LURAP1L: variants seen among roughly 807,000 people sequenced by gnomAD.
LURAP1L encodes the protein leucine rich adaptor protein 1-like.
In LURAP1L, 12 loss-of-function variants were observed where a neutral mutation model predicts 13.8. The observed-to-expected ratio is 0.87, with a 90% CI of 0.56 to 1.41. The LOEUF (loss-of-function observed/expected upper bound fraction) is 1.41. Ranked by LOEUF, LURAP1L falls within the 40% of genes most tolerant of loss-of-function variation. The pLI, the probability that LURAP1L is intolerant of heterozygous loss-of-function variation, is 0.00. For synonymous variants in LURAP1L, 139 were observed against 119.2 expected (o/e 1.17, Z -1.08); for missense variants, 375 against 292.9 (o/e 1.28, Z -2.04).
intron 1 of LURAP1L, among the ~76,000 whole-genome samples, chr9:12,818,456 T>G (rs6474734): frequency 0.35 from 52,393 of 151,822 alleles, 9,935 homozygotes; most frequent in African/African-American, 0.5. Flanking sequence ...CAATGCTTAG[T>G]ACAGACCTTA....
intron 1 of LURAP1L, among the ~76,000 whole-genome samples, chr9:12,786,547 C>CTATATATATATATGT (rs1554657226): frequency 1.9e-5 from 1 of 53,006 alleles, no homozygotes; most frequent in African/African-American, 8.2e-5. Context: ...ATATATATGA[C>CTATATATATATATGT]ATATATATAT....
intron 1 of LURAP1L, among the ~76,000 whole-genome samples, chr9:12,813,865 A>G (rs78618386): frequency 0.019 from 2,942 of 152,280 alleles, 111 homozygotes; most frequent in African/African-American, 0.068. Context: ...TGAGGAATGA[A>G]TTATCAATTG....
At chr9:12,814,696 C>A (rs1819781371) in intron 1 of LURAP1L, among the ~76,000 whole-genome samples, 1 of 152,188 alleles carries the variant, frequency 6.6e-6, no homozygotes, top group Admixed American at 6.5e-5. Context: ...TTCAAATACA[C>A]CAGATACAGC....
chr9:12,785,732 G>A (rs1485245639), intron 1 of LURAP1L, among the ~76,000 whole-genome samples: 1 of 152,184 alleles, frequency 6.6e-6, no homozygotes, highest in African/African-American at 2.4e-5. Context: ...GTGCTGCACT[G>A]CTAGGAGATG....
At chr9:12,779,075 TTTCTCTCTCA>T (rs1011493258) in intron 1 of LURAP1L, among the ~76,000 whole-genome samples, 11 of 152,098 alleles carry the variant, frequency 7.2e-5, no homozygotes, top group Non-Finnish European at 1.2e-4. Context: ...TCTCTCTCTC[TTTCTCTCTCA>T]TTCTCTCTCT....
intron 1 of LURAP1L, among the ~76,000 whole-genome samples, chr9:12,797,334 A>G (rs1392192899): frequency 6.6e-6 from 1 of 152,140 alleles, no homozygotes; most frequent in Non-Finnish European, 1.5e-5. Flanking sequence ...ATGGTTGAAG[A>G]GTGACAATAG....
At chr9:12,783,451 C>G (rs535011219) in intron 1 of LURAP1L, among the ~76,000 whole-genome samples, 1 of 152,224 alleles carries the variant, frequency 6.6e-6, no homozygotes, top group African/African-American at 2.4e-5. Flanking sequence ...CCAGTATCAA[C>G]TGAAATTATC....
intron 1 of LURAP1L, among the ~76,000 whole-genome samples, chr9:12,788,158 A>AGAAAGAAAGAAAGAAAG (rs1458000720): frequency 7.0e-6 from 1 of 143,870 alleles, no homozygotes; most frequent in Non-Finnish European, 1.5e-5. Flanking sequence ...GAAGAAAGAA[A>AGAAAGAAAGAAAGAAAG]GAAAGAAAGA....
chr9:12,796,098 T>C (rs969712998), intron 1 of LURAP1L, among the ~76,000 whole-genome samples: 20 of 152,002 alleles, frequency 1.3e-4, no homozygotes, highest in African/African-American at 4.8e-4. Context: ...TATTACTGTA[T>C]TGATGTTTCC....
intron 1 of LURAP1L, among the ~76,000 whole-genome samples, chr9:12,805,873 T>G (rs1819650184): frequency 6.6e-6 from 1 of 152,104 alleles, no homozygotes; most frequent in African/African-American, 2.4e-5. Context: ...GTTGTGAAAA[T>G]GGACATAATC....
At chr9:12,778,830 G>A (rs1819227680) in intron 1 of LURAP1L, among the ~76,000 whole-genome samples, 1 of 152,224 alleles carries the variant, frequency 6.6e-6, no homozygotes, top group South Asian at 2.1e-4. Context: ...ATGTCAGGTA[G>A]TCCAGGAAAT....
intron 1 of LURAP1L, among the ~76,000 whole-genome samples, chr9:12,788,007 G>T (rs530428059): frequency 6.6e-6 from 1 of 151,906 alleles, no homozygotes; most frequent in Non-Finnish European, 1.5e-5. Context: ...AGCTACTCAG[G>T]AGGCTGAAGC....
At position 12,821,859 on chromosome 9, in the gene LURAP1L, C is replaced by T. The variant is rs2118560356; in HGVS notation, c.*99C>T. 4 of 1,416,412 alleles carry T rather than the reference C, an allele frequency of 2.8e-6. No homozygotes were observed. The highest frequency in any genetic ancestry group is 1.4e-5 in the South Asian group (1 of 71,288). The allele number at this position is 1,416,412 out of a possible 1,614,324, so 87.7% of individuals were successfully genotyped here. A position where few individuals can be genotyped will look rare whatever the true frequency, so the allele number is the denominator to read the frequency against. ...TGTGATTTTTATTTTAATAAGATGA[C>T]CTTTTTAAAAGAAGCTGATTTTGAA... On this transcript the variant is annotated 3_prime_UTR_variant, in exon 2 of 2. Coordinates refer to ENST00000319264, the MANE Select transcript of LURAP1L (RefSeq NM_203403.2).
At chr9:12,802,299 C>T (rs1819597996) in intron 1 of LURAP1L, among the ~76,000 whole-genome samples, 1 of 152,046 alleles carries the variant, frequency 6.6e-6, no homozygotes, top group African/African-American at 2.4e-5. Flanking sequence ...GTATTCATCC[C>T]CAGTGGTGGA....
chr9:12,792,176 G>A (rs1028263089), intron 1 of LURAP1L, among the ~76,000 whole-genome samples: 1 of 152,026 alleles, frequency 6.6e-6, no homozygotes, highest in Non-Finnish European at 1.5e-5. Flanking sequence ...GGGAGGTTTG[G>A]GACTATACAT....
At chr9:12,780,994 G>T (rs971919295) in intron 1 of LURAP1L, among the ~76,000 whole-genome samples, 2 of 151,950 alleles carry the variant, frequency 1.3e-5, no homozygotes, top group African/African-American at 4.8e-5. Context: ...TATTTGAGAT[G>T]GAGTTTCGCT....
At chr9:12,809,363 C>G (rs989000800) in intron 1 of LURAP1L, among the ~76,000 whole-genome samples, 1 of 152,090 alleles carries the variant, frequency 6.6e-6, no homozygotes, top group African/African-American at 2.4e-5. Flanking sequence ...TTTCTGTGGA[C>G]TCATCTTTAA....
At chr9:12,794,893 G>A (rs930501103) in intron 1 of LURAP1L, among the ~76,000 whole-genome samples, 5 of 151,850 alleles carry the variant, frequency 3.3e-5, no homozygotes, top group Admixed American at 1.3e-4. Context: ...TACAGATGAT[G>A]TGGAAGATAT....
In LURAP1L at chr9:12,775,814, G is replaced by A. The variant is rs1379861968; in HGVS notation, c.99G>A (p.Pro33=). The part of the protein sequence containing the change: ...SLVRSLRGEE[P]VPRERDRDPC... ...TGCGCTCTCTCCGTGGGGAGGAGCCGGTTCCCAGGGAAAGGGACAGGGACC... is the reference window on the plus strand; with the variant it reads ...TGCGCTCTCTCCGTGGGGAGGAGCCAGTTCCCAGGGAAAGGGACAGGGACC... The change falls in exon 1 of 2, where the codon CCG becomes CCA. Residue 33 remains proline, a synonymous_variant. Coordinates refer to ENST00000319264, the MANE Select transcript of LURAP1L (RefSeq NM_203403.2). The A allele has an allele frequency of 1.2e-6, 2 of 1,606,462 alleles. No individual in the cohort carries two copies. The highest frequency in any genetic ancestry group is 1.7e-5 in the Admixed American group (1 of 57,402).
Sources: allele counts gnomAD v4.1 joint callset (sites outside exome capture counted in the v4.1 genomes callset), GRCh38; gene constraint gnomAD v4.1.1; transcripts MANE v1.5; gene names NCBI Gene and HGNC (gene_info 2026-07-23, HGNC 2026-07-21).